The following RNF146 variants were observed in gnomAD, a reference collection of about 807,000 sequenced individuals.
RNF146 encodes E3 ubiquitin-protein ligase RNF146.
RNF146 carries 11 observed loss-of-function variants against 29.7 expected under a neutral mutation model. The observed-to-expected ratio is 0.37, with a 90% CI of 0.23 to 0.61. The LOEUF (loss-of-function observed/expected upper bound fraction) is 0.61, where lower values mean the gene tolerates loss of function less well. RNF146 is among the 20% of genes least tolerant of loss of function. The pLI, the probability that RNF146 is intolerant of heterozygous loss-of-function variation, is 0.66. For synonymous variants in RNF146, 150 were observed against 159.7 expected (o/e 0.94, Z 0.46); for missense variants, 342 against 438.9 (o/e 0.78, Z 1.97).
At chr6:127,266,727 G>C (rs1348402485), upstream of RNF146, 1 of 152,250 alleles carries the variant, frequency 6.6e-6, no homozygotes, top group Non-Finnish European at 1.5e-5. Flanking sequence ...AGTACCGGCA[G>C]ACAGCGGCGC....
chr6:127,268,391 G>GT (rs1255758909), intron 1 of RNF146, among the ~76,000 whole-genome samples: 1 of 152,210 alleles, frequency 6.6e-6, no homozygotes, highest in African/African-American at 2.4e-5. Flanking sequence ...AACAGGATTT[G>GT]TGATTTTGGC....
chr6:127,284,806 A>C (rs534693330), intron 2 of RNF146, among the ~76,000 whole-genome samples: 59 of 151,940 alleles, frequency 3.9e-4, no homozygotes, highest in Non-Finnish European at 7.7e-4. Context: ...CTTGTGGGCC[A>C]CATGTGGCCC....
At chr6:127,283,779 A>G (rs1250673722) in intron 2 of RNF146, among the ~76,000 whole-genome samples, 1 of 151,806 alleles carries the variant, frequency 6.6e-6, no homozygotes, top group African/African-American at 2.4e-5. Context: ...TGCTATGGCA[A>G]ATTGATAGTT....
chr6:127,270,021 A>G (rs1777242365), intron 1 of RNF146, among the ~76,000 whole-genome samples: 1 of 152,164 alleles, frequency 6.6e-6, no homozygotes, highest in African/African-American at 2.4e-5. Context: ...TTGATGTTAT[A>G]TGCTCATCTT....
chr6:127,285,589 T>G (rs1779409182), intron 2 of RNF146, among the ~76,000 whole-genome samples: 1 of 142,616 alleles, frequency 7.0e-6, no homozygotes, highest in African/African-American at 2.6e-5. Context: ...CAGGGCACAA[T>G]AACACAATAA....
chr6:127,274,036 G>T (rs1344742933), intron 1 of RNF146, among the ~76,000 whole-genome samples: 4 of 151,852 alleles, frequency 2.6e-5, no homozygotes, highest in Non-Finnish European at 5.9e-5. Context: ...TCTGCTCCTG[G>T]GTTTGTGTGT....
intron 1 of RNF146, among the ~76,000 whole-genome samples, chr6:127,267,564 T>A (rs1468488050): frequency 6.6e-6 from 1 of 152,172 alleles, no homozygotes; most frequent in African/African-American, 2.4e-5. Context: ...GGAGTGTCTC[T>A]GGCTGCTGCT....
chr6:127,288,264 C>T lies in RNF146; in HGVS notation c.*571C>T, dbSNP rs1779779131. ...ACACACTTCATGGTGTTCCCATAGGCTTTGCTGTCTAGTCTTATAGTTTGA... is the reference window on the plus strand; with the variant it reads ...ACACACTTCATGGTGTTCCCATAGGTTTTGCTGTCTAGTCTTATAGTTTGA... On this transcript the variant is annotated 3_prime_UTR_variant, in exon 3 of 3. Transcript: ENST00000368314. 6.0e-6 allele frequency: 1 copy of T among 166,818 alleles called. No homozygotes were observed. The highest frequency in any genetic ancestry group is 2.1e-4 in the South Asian group (1 of 4,826). The allele number at this position is 166,818 out of a possible 1,614,324, so 10.3% of individuals were successfully genotyped here. A position where few individuals can be genotyped will look rare whatever the true frequency, so the allele number is the denominator to read the frequency against.
chr6:127,267,861 C>T (rs1466018132), intron 1 of RNF146, among the ~76,000 whole-genome samples: 1 of 152,044 alleles, frequency 6.6e-6, no homozygotes, highest in East Asian at 1.9e-4. Context: ...TGTGGGTCTT[C>T]CATTGTTGTC....
chr6:127,280,755 A>G (rs1778812920), intron 2 of RNF146: 1 of 164,128 alleles, frequency 6.1e-6, no homozygotes. Flanking sequence ...AGGAATTTCT[A>G]CATAATTGAT....
chr6:127,270,564 TTTCTGAGGGCTTC>T (rs991933294), intron 1 of RNF146, among the ~76,000 whole-genome samples: 1 of 152,202 alleles, frequency 6.6e-6, no homozygotes, highest in African/African-American at 2.4e-5. Context: ...ATGTGGGAGT[TTTCTGAGGGCTTC>T]TTCACATGAT....
At position 127,286,127 on chromosome 6, in the gene RNF146, A is replaced by G; in HGVS notation, c.3-489A>G. ...CTTTATGAAGCTTTAGTGATTACAAAGCACTTTTTTTGTCCATTTTTACCT... is the reference window on the plus strand; with the variant it reads ...CTTTATGAAGCTTTAGTGATTACAAGGCACTTTTTTTGTCCATTTTTACCT... On this transcript the variant is annotated intron_variant, in intron 2 of 2. Transcript: ENST00000368314. The surrounding 1 kb of genome is among the most constrained non-coding windows in gnomAD (Gnocchi z 4.6). The G allele has an allele frequency of 8.1e-7, 1 of 1,230,880 alleles. No individual in the cohort carries two copies. The highest frequency in any genetic ancestry group is 1.0e-6 in the Non-Finnish European group (1 of 987,498). 76.2% of individuals were successfully genotyped at this position (1,230,880 alleles called of 1,614,324 possible).
intron 1 of RNF146, among the ~76,000 whole-genome samples, chr6:127,272,248 A>G (rs980973919): frequency 1.3e-5 from 2 of 152,156 alleles, no homozygotes; most frequent in Non-Finnish European, 2.9e-5. Context: ...ACTAACTAAT[A>G]TATGTGAATC....
intron 1 of RNF146, among the ~76,000 whole-genome samples, chr6:127,276,705 G>T (rs1778257919): frequency 1.3e-5 from 2 of 152,040 alleles, no homozygotes; most frequent in African/African-American, 4.8e-5. Flanking sequence ...CTTGTGATCT[G>T]AGAGTCGGAT....
At chr6:127,276,364 G>T (rs772805333) in intron 1 of RNF146, among the ~76,000 whole-genome samples, 1 of 152,002 alleles carries the variant, frequency 6.6e-6, no homozygotes, top group Non-Finnish European at 1.5e-5. Context: ...TTATGGTGTG[G>T]TTGGTTGGGG....
At chr6:127,281,020 AT>A (rs2085447795) in intron 2 of RNF146, among the ~76,000 whole-genome samples, 1 of 151,668 alleles carries the variant, frequency 6.6e-6, no homozygotes, top group Non-Finnish European at 1.5e-5. Context: ...TGAATATTTT[AT>A]TGACTTTTAA....
intron 1 of RNF146, among the ~76,000 whole-genome samples, chr6:127,272,182 C>T (rs1562279546): frequency 6.6e-6 from 1 of 152,124 alleles, no homozygotes; most frequent in Non-Finnish European, 1.5e-5. Context: ...TAGGTATAGT[C>T]ATATTTCACA....
At chr6:127,277,602 G>A (rs1179003608) in intron 1 of RNF146, among the ~76,000 whole-genome samples, 1 of 152,022 alleles carries the variant, frequency 6.6e-6, no homozygotes, top group Non-Finnish European at 1.5e-5. Flanking sequence ...GAAGAACTTG[G>A]AGTCTGATGT....
At chr6:127,274,039 TTGTG>T (rs199739921) in intron 1 of RNF146, among the ~76,000 whole-genome samples, 5 of 151,774 alleles carry the variant, frequency 3.3e-5, no homozygotes, top group South Asian at 2.1e-4. Flanking sequence ...GCTCCTGGGT[TTGTG>T]TGTGTGTGTG....
Sources: gnomAD v4.1 joint callset for allele counts (sites outside exome capture counted in the v4.1 genomes callset) on GRCh38, gnomAD v4.1.1 for gene constraint, Gnocchi (gnomAD v3.1) non-coding constraint, MANE v1.5 for transcripts, NCBI Gene and HGNC (gene_info 2026-07-23, HGNC 2026-07-21) for gene names.